ARL15: variants seen among roughly 807,000 people sequenced by gnomAD.
The protein encoded by ARL15 is ADP-ribosylation factor-like protein 15.
In ARL15, 19 loss-of-function variants were observed where a neutral mutation model predicts 25.2. The observed-to-expected ratio is 0.75, with a 90% confidence interval of 0.53 to 1.10. The LOEUF (loss-of-function observed/expected upper bound fraction) is 1.10, where lower values mean the gene tolerates loss of function less well. Ranked by LOEUF, ARL15 falls within the 50% of genes least tolerant of loss-of-function variation. ARL15 has a pLI of 0.00. For synonymous variants in ARL15, 94 were observed against 86.8 expected, an observed-to-expected ratio of 1.08 and a Z score of -0.46; for missense variants, 220 against 246.0, an observed-to-expected ratio of 0.89 and a Z score of 0.71.
At chr5:54,149,891 A>G (rs1754013540) in intron 3 of ARL15, among the ~76,000 whole-genome samples, 1 of 152,230 alleles carries the variant, frequency 6.6e-6, no homozygotes, top group South Asian at 2.1e-4. Flanking sequence ...CCTGGATAAA[A>G]GACTATATAG....
At chr5:53,890,385 AG>A (rs1227295659) in intron 4 of ARL15, among the ~76,000 whole-genome samples, 1 of 152,206 alleles carries the variant, frequency 6.6e-6, no homozygotes, top group East Asian at 1.9e-4. Flanking sequence ...CAATTTTTTA[AG>A]GCCATTTACT....
chr5:54,004,247 C>A (rs1326387853), intron 4 of ARL15, among the ~76,000 whole-genome samples: 1 of 152,120 alleles, frequency 6.6e-6, no homozygotes, highest in Non-Finnish European at 1.5e-5. Flanking sequence ...GTAATCTCAG[C>A]ACTTTGGGAG....
intron 1 of ARL15, among the ~76,000 whole-genome samples, chr5:54,184,362 G>A (rs1195566031): frequency 6.9e-6 from 1 of 145,076 alleles, no homozygotes; most frequent in African/African-American, 2.5e-5. Flanking sequence ...AGGATTGCTT[G>A]AGCCCAGGAG....
At chr5:53,916,423 A>T (rs977247551) in intron 4 of ARL15, among the ~76,000 whole-genome samples, 2 of 134,178 alleles carry the variant, frequency 1.5e-5, no homozygotes, top group Non-Finnish European at 3.2e-5. Flanking sequence ...CTGGGTGACA[A>T]AATGATTTGT....
At chr5:54,165,761 G>T (rs930254536) in intron 2 of ARL15, among the ~76,000 whole-genome samples, 1 of 137,232 alleles carries the variant, frequency 7.3e-6, no homozygotes, top group African/African-American at 2.8e-5. Context: ...TATAAATAGA[G>T]ACAGAGAAAT....
intron 4 of ARL15, among the ~76,000 whole-genome samples, chr5:53,995,112 C>T (rs1402453110): frequency 6.6e-6 from 1 of 152,014 alleles, no homozygotes; most frequent in Non-Finnish European, 1.5e-5. Context: ...AATTCAAGAC[C>T]AGCCTGGCCA....
intron 1 of ARL15, among the ~76,000 whole-genome samples, chr5:54,287,439 A>T (rs968608773): frequency 5.3e-5 from 8 of 151,422 alleles, no homozygotes; most frequent in African/African-American, 1.9e-4. Flanking sequence ...CTGAATTTTG[A>T]GTCTCAAAAG....
rs934696371 is a variant in ARL15 at position 53,980,481 on chromosome 5, A to G, written c.463-93768T>C. On this transcript the variant is annotated intron_variant, in intron 4 of 4. Coordinates refer to ENST00000504924, the MANE Select transcript of ARL15 (RefSeq NM_019087.3). ...GCCCCAATTTTAAGCGCTAAACTAT[A>G]CCTACCCAGAATACAAACACAGTTT... Among the ~76,000 whole-genome samples the G allele has an allele frequency of 2.0e-5, 3 of 152,312 alleles. No homozygotes were observed. In the East Asian group the frequency reaches 5.8e-4, roughly 29 times the overall value.
intron 4 of ARL15, among the ~76,000 whole-genome samples, chr5:53,980,589 AC>A (rs1380356911): frequency 1.3e-5 from 2 of 152,202 alleles, no homozygotes; most frequent in African/African-American, 2.4e-5. Flanking sequence ...AGTTCTCTAT[AC>A]CTGCTTAACT....
At chr5:54,070,457 C>T (rs964183608) in intron 4 of ARL15, among the ~76,000 whole-genome samples, 2 of 152,174 alleles carry the variant, frequency 1.3e-5, no homozygotes, top group East Asian at 1.9e-4. Context: ...TGGGTCACCT[C>T]GGGACTCTGT....
At chr5:54,085,070 G>C (rs574440732) in intron 4 of ARL15, among the ~76,000 whole-genome samples, 1 of 152,140 alleles carries the variant, frequency 6.6e-6, no homozygotes, top group Non-Finnish European at 1.5e-5. Flanking sequence ...ATATATCTTG[G>C]ATACTACATT....
chr5:53,995,521 C>T (rs371608272), intron 4 of ARL15, among the ~76,000 whole-genome samples: 1 of 152,086 alleles, frequency 6.6e-6, no homozygotes, highest in South Asian at 2.1e-4. Flanking sequence ...TTTTGGCAGA[C>T]ACTTATTGAG....
At chr5:54,282,357 A>G (rs1008201571) in intron 1 of ARL15, 13 of 985,470 alleles carry the variant, frequency 1.3e-5, no homozygotes, top group Non-Finnish European at 1.6e-5. Flanking sequence ...ATAAGAGAAT[A>G]AGAAATGTTT....
chr5:54,128,312 T>C (rs2112267868), intron 3 of ARL15, among the ~76,000 whole-genome samples: 1 of 152,352 alleles, frequency 6.6e-6, no homozygotes, highest in East Asian at 1.9e-4. Context: ...GCATCAGTTT[T>C]TACATGCCTA....
intron 1 of ARL15, among the ~76,000 whole-genome samples, chr5:54,207,671 G>T (rs1490205387): frequency 6.6e-6 from 1 of 152,206 alleles, no homozygotes; most frequent in African/African-American, 2.4e-5. Context: ...TGGTCCAGCA[G>T]ACAAGAAGCT....
intron 4 of ARL15, among the ~76,000 whole-genome samples, chr5:54,003,765 T>G (rs1312336748): frequency 7.2e-6 from 1 of 138,704 alleles, no homozygotes; most frequent in Non-Finnish European, 1.6e-5. Flanking sequence ...ACATCATTCT[T>G]GTGCCCCTCC....
At chr5:54,248,236 T>C (rs562153710) in intron 1 of ARL15, among the ~76,000 whole-genome samples, 73 of 152,140 alleles carry the variant, frequency 4.8e-4, no homozygotes, top group Non-Finnish European at 9.1e-4. Context: ...GTCATGAGGG[T>C]TGTCTCACTC....
intron 4 of ARL15, among the ~76,000 whole-genome samples, chr5:53,962,226 C>T (rs1052797106): frequency 6.6e-6 from 1 of 152,108 alleles, no homozygotes; most frequent in Admixed American, 6.5e-5. Context: ...ATCCATAATA[C>T]TTTTAATCAA....
chr5:54,205,085 G>A (rs535037671), intron 1 of ARL15, among the ~76,000 whole-genome samples: 8 of 152,022 alleles, frequency 5.3e-5, no homozygotes, highest in African/African-American at 1.9e-4. Flanking sequence ...ACGGGTGTGA[G>A]CCACCACGCC....
Sources: gnomAD v4.1 joint callset for allele counts (sites outside exome capture counted in the v4.1 genomes callset) on GRCh38, gnomAD v4.1.1 for gene constraint, MANE v1.5 for transcripts, NCBI Gene and HGNC (gene_info 2026-07-23, HGNC 2026-07-21) for gene names.